Variants in KAT6A observed in about 807,000 individuals in gnomAD.
KAT6A encodes histone acetyltransferase KAT6A.
In KAT6A, 9 loss-of-function variants were observed where a neutral mutation model predicts 198.4. That is an observed-to-expected ratio of 0.05 (90% CI 0.03 to 0.08). The LOEUF (loss-of-function observed/expected upper bound fraction) is 0.08. Ranked by LOEUF, KAT6A falls within the 10% of genes least tolerant of loss-of-function variation. KAT6A has a pLI of 1.00. For synonymous variants in KAT6A, 890 were observed against 883.0 expected (o/e 1.01, Z -0.14); for missense variants, 2,077 against 2,509.9 (o/e 0.83, Z 3.69).
intron 2 of KAT6A, among the ~76,000 whole-genome samples, chr8:42,009,989 A>C (rs1290257376): frequency 6.6e-6 from 1 of 151,666 alleles, no homozygotes; most frequent in African/African-American, 2.4e-5. Flanking sequence ...TTTACCCAAC[A>C]GAAAAAAATA....
At chr8:41,944,620 G>T (rs1482621188) in intron 12 of KAT6A, among the ~76,000 whole-genome samples, 1 of 152,142 alleles carries the variant, frequency 6.6e-6, no homozygotes, top group Non-Finnish European at 1.5e-5. Context: ...TGTCATTAAA[G>T]AAAACATAAA....
chr8:42,030,793 G>C (rs1473256305), intron 2 of KAT6A, among the ~76,000 whole-genome samples: 2 of 151,912 alleles, frequency 1.3e-5, no homozygotes, highest in Non-Finnish European at 2.9e-5. Flanking sequence ...GGTCAGGCTG[G>C]ACTTGAACTC....
intron 2 of KAT6A, among the ~76,000 whole-genome samples, chr8:42,043,972 TAATA>T (rs1268764890): frequency 6.6e-6 from 1 of 152,172 alleles, no homozygotes; most frequent in East Asian, 1.9e-4. Flanking sequence ...TTAAATGAGT[TAATA>T]TATATACAGC....
intron 2 of KAT6A, among the ~76,000 whole-genome samples, chr8:42,034,119 TA>T (rs1261400254): frequency 6.6e-6 from 1 of 152,014 alleles, no homozygotes; most frequent in Admixed American, 6.6e-5. Context: ...AAAAAATGGA[TA>T]ACAATCATTC....
intron 2 of KAT6A, chr8:42,043,549 T>G (rs562244111): frequency 2.0e-5 from 3 of 152,326 alleles, no homozygotes; most frequent in East Asian, 1.9e-4. Flanking sequence ...AATCTTTGGT[T>G]CCTAACACAT....
intron 16 of KAT6A, among the ~76,000 whole-genome samples, chr8:41,936,810 G>A (rs1345248698): frequency 6.6e-6 from 1 of 152,202 alleles, no homozygotes; most frequent in Non-Finnish European, 1.5e-5. Context: ...CTGGAGAATT[G>A]TCTTCTTAGC....
At chr8:42,006,669 A>T (rs1232032185) in intron 2 of KAT6A, among the ~76,000 whole-genome samples, 1 of 152,192 alleles carries the variant, frequency 6.6e-6, no homozygotes, top group African/African-American at 2.4e-5. Flanking sequence ...AAGTATAATA[A>T]ATGAAGATAT....
chr8:42,040,966 G>A (rs1827638126), intron 2 of KAT6A, among the ~76,000 whole-genome samples: 1 of 151,802 alleles, frequency 6.6e-6, no homozygotes, highest in Admixed American at 6.6e-5. Flanking sequence ...TATAATCCCA[G>A]CACTTTGGGA....
intron 2 of KAT6A, among the ~76,000 whole-genome samples, chr8:41,988,071 G>C (rs1277408307): frequency 6.6e-6 from 1 of 152,194 alleles, no homozygotes; most frequent in Non-Finnish European, 1.5e-5. Context: ...GTTGAAAGGG[G>C]AAAACAACAT....
chr8:42,007,957 G>A (rs1367570798), intron 2 of KAT6A, among the ~76,000 whole-genome samples: 9 of 82,788 alleles, frequency 1.1e-4, no homozygotes, highest in South Asian at 8.8e-4. Context: ...GCGAGACTCC[G>A]TCTCAAAAAA....
chr8:41,968,111 A>G (rs1823601579), intron 8 of KAT6A, among the ~76,000 whole-genome samples: 1 of 152,192 alleles, frequency 6.6e-6, no homozygotes, highest in African/African-American at 2.4e-5. Flanking sequence ...AACAAAAGCC[A>G]AAATTGACAA....
chr8:41,952,732 C>T (rs1281112433), intron 9 of KAT6A, among the ~76,000 whole-genome samples: 1 of 152,000 alleles, frequency 6.6e-6, no homozygotes, highest in Non-Finnish European at 1.5e-5. Flanking sequence ...TAGGCATTAA[C>T]AAAATTAAGA....
chr8:42,007,835 G>A (rs1370166437), intron 2 of KAT6A, among the ~76,000 whole-genome samples: 3 of 151,758 alleles, frequency 2.0e-5, no homozygotes, highest in Non-Finnish European at 1.5e-5. Context: ...GATGGCGGGC[G>A]CCTGTAGTCC....
At chr8:42,043,167 C>A (rs1429580603) in intron 2 of KAT6A, among the ~76,000 whole-genome samples, 1 of 152,152 alleles carries the variant, frequency 6.6e-6, no homozygotes, top group Non-Finnish European at 1.5e-5. Flanking sequence ...AATCTTAAAT[C>A]CACTGTTCAT....
intron 2 of KAT6A, among the ~76,000 whole-genome samples, chr8:42,021,183 A>G (rs1826514412): frequency 6.6e-6 from 1 of 152,218 alleles, no homozygotes; most frequent in African/African-American, 2.4e-5. Context: ...AATAGATTAT[A>G]AAACGTGACA....
intron 8 of KAT6A, among the ~76,000 whole-genome samples, chr8:41,965,947 C>T (rs1001095783): frequency 8.6e-5 from 13 of 152,040 alleles, no homozygotes; most frequent in African/African-American, 2.9e-4. Context: ...TATTAAAGGC[C>T]GCATAGATGT....
intron 2 of KAT6A, among the ~76,000 whole-genome samples, chr8:42,026,739 A>G (rs998674466): frequency 3.3e-5 from 5 of 152,134 alleles, no homozygotes; most frequent in Non-Finnish European, 7.4e-5. Flanking sequence ...CTCTTTTCCA[A>G]TCTGGATGCC....
chr8:41,941,464 C>T lies in KAT6A; in HGVS notation c.2437-20G>A. On this transcript the variant is annotated intron_variant, in intron 14 of 16. Transcript: ENST00000265713. Reference sequence around the variant, plus strand: ...TCCCACCTGATTTTAGAAAATAAAACAATGCTGGTTAATTTTTCAGTCTTG... The same window carrying T: ...TCCCACCTGATTTTAGAAAATAAAATAATGCTGGTTAATTTTTCAGTCTTG... 6.4e-7 allele frequency: 1 copy of T among 1,561,400 alleles called. No homozygotes were observed.
intron 12 of KAT6A, among the ~76,000 whole-genome samples, chr8:41,945,520 T>C (rs1228973578): frequency 6.6e-6 from 1 of 152,054 alleles, no homozygotes; most frequent in Non-Finnish European, 1.5e-5. Context: ...TCTGCCCACT[T>C]TGGCCTCCCA....
Sources: allele counts gnomAD v4.1 joint callset (sites outside exome capture counted in the v4.1 genomes callset), GRCh38; gene constraint gnomAD v4.1.1; transcripts MANE v1.5; gene names NCBI Gene and HGNC (gene_info 2026-07-23, HGNC 2026-07-21).